The following PRICKLE1 variants were observed in gnomAD, a reference collection of about 807,000 sequenced individuals.
PRICKLE1 encodes the protein prickle-like protein 1.
Under a neutral mutation model 70.2 loss-of-function variants are expected in PRICKLE1, and 14 were observed. The ratio of observed to expected loss-of-function variants is 0.20; its 90% CI spans 0.13 to 0.31. The LOEUF is 0.31. Among genes scored for constraint, PRICKLE1 ranks in the 10% least tolerant of loss-of-function variants. PRICKLE1 has a pLI of 1.00. For synonymous variants in PRICKLE1, 357 were observed against 379.9 expected (o/e 0.94, Z 0.70); for missense variants, 821 against 1,026.2 (o/e 0.80, Z 2.73).
intron 1 of PRICKLE1, among the ~76,000 whole-genome samples, chr12:42,491,233 AT>A (rs1453806737): frequency 1.3e-5 from 2 of 151,878 alleles, no homozygotes; most frequent in African/African-American, 4.8e-5. Context: ...GTATTTAAAA[AT>A]ATTACACTAT....
At chr12:42,545,576 C>T (rs907693559) in intron 1 of PRICKLE1, among the ~76,000 whole-genome samples, 2 of 151,512 alleles carry the variant, frequency 1.3e-5, no homozygotes, top group Non-Finnish European at 2.9e-5. Context: ...GGACTGGGTG[C>T]GGTGGCTCAC....
chr12:42,556,100 T>G (rs1429638217), intron 1 of PRICKLE1, among the ~76,000 whole-genome samples: 1 of 152,184 alleles, frequency 6.6e-6, no homozygotes, highest in African/African-American at 2.4e-5. Context: ...TCCTATTGAT[T>G]ATGTGCAAGT....
rs1937718481 is a variant in PRICKLE1 at position 42,459,624 on chromosome 12, G to A, written c.*185C>T. On this transcript the variant is annotated 3_prime_UTR_variant, in exon 8 of 8. Coordinates refer to ENST00000345127, the MANE Select transcript of PRICKLE1 (RefSeq NM_153026.3). ...ACGTCCACCTGGCACCATCCAAAGAGGGTAAATTGGAGAAATCACACCTTT... is the reference window on the plus strand; with the variant it reads ...ACGTCCACCTGGCACCATCCAAAGAAGGTAAATTGGAGAAATCACACCTTT... 4 of 750,922 alleles carry A rather than the reference G, an allele frequency of 5.3e-6. No homozygotes were observed. Among genetic ancestry groups the A allele is most frequent in the Non-Finnish European group, 8.9e-6 (4 of 449,674 alleles). The allele number at this position is 750,922 out of a possible 1,614,324, so 46.5% of individuals were successfully genotyped here.
chr12:42,516,818 C>A (rs1438357895), intron 1 of PRICKLE1, among the ~76,000 whole-genome samples: 2 of 152,164 alleles, frequency 1.3e-5, no homozygotes, highest in African/African-American at 4.8e-5. Context: ...TGCACCCACA[C>A]CCCCTCTCCC....
intron 1 of PRICKLE1, among the ~76,000 whole-genome samples, chr12:42,477,441 T>A (rs1439158269): frequency 4.5e-5 from 5 of 110,924 alleles, no homozygotes; most frequent in Non-Finnish European, 7.5e-5. Flanking sequence ...TGTATATATG[T>A]GTATATATGT....
intron 1 of PRICKLE1, among the ~76,000 whole-genome samples, chr12:42,510,240 G>A (rs990307512): frequency 5.9e-5 from 9 of 151,986 alleles, no homozygotes; most frequent in East Asian, 3.9e-4. Context: ...GACTACAGGC[G>A]CCCGCCACCA....
At chr12:42,514,587 T>C (rs143012841) in intron 1 of PRICKLE1, among the ~76,000 whole-genome samples, 117 of 152,340 alleles carry the variant, frequency 7.7e-4, no homozygotes, top group African/African-American at 2.7e-3. Context: ...TTATCCATTA[T>C]ATGCTGTCAA....
At chr12:42,563,235 GCTAA>G (rs1030019153) in intron 1 of PRICKLE1, among the ~76,000 whole-genome samples, 8 of 151,826 alleles carry the variant, frequency 5.3e-5, no homozygotes, top group African/African-American at 1.9e-4. Flanking sequence ...TGGATAAAGA[GCTAA>G]CTGACTGCCA....
intron 1 of PRICKLE1, among the ~76,000 whole-genome samples, chr12:42,576,257 C>A (rs1160337277): frequency 6.6e-6 from 1 of 152,126 alleles, no homozygotes; most frequent in Non-Finnish European, 1.5e-5. Flanking sequence ...GCAAAACAGC[C>A]CCCATCACTT....
Position 42,564,227 on chromosome 12 carries a change from GCTTGGCAACAGAGGGAGACTCT to G in PRICKLE1, c.-49+25216_-49+25237del, listed in dbSNP as rs1164262500. Among the ~76,000 whole-genome samples, 43 of 143,268 alleles carry G rather than the reference GCTTGGCAACAGAGGGAGACTCT, an allele frequency of 3.0e-4. 1 individual carries two copies. The highest frequency in any genetic ancestry group is 6.0e-4 in the Non-Finnish European group (40 of 66,506). 94.0% of individuals were successfully genotyped at this position (143,268 alleles called of 152,430 possible). ...GCCAAGATCACGCCACTGCACTCCA[GCTTGGCAACAGAGGGAGACTCT>G]GTCTAAAAAAAAAAAAAAAAAAAGA... On this transcript the variant is annotated intron_variant, in intron 1 of 7. Transcript: ENST00000345127.
intron 1 of PRICKLE1, among the ~76,000 whole-genome samples, chr12:42,519,958 C>G (rs148315776): frequency 7.6e-4 from 116 of 152,248 alleles, no homozygotes; most frequent in African/African-American, 2.7e-3. Flanking sequence ...CAGATGCGAG[C>G]CATTGCACTT....
intron 1 of PRICKLE1, among the ~76,000 whole-genome samples, chr12:42,580,916 G>A (rs978371198): frequency 2.0e-5 from 3 of 152,068 alleles, no homozygotes; most frequent in Admixed American, 1.3e-4. Flanking sequence ...ACGGAAGGAC[G>A]GAAGGAAGAA....
At position 42,458,261 on chromosome 12, in the gene PRICKLE1, G is replaced by A. The variant is rs1937651484; in HGVS notation, c.*1548C>T. The A allele has an allele frequency of 6.6e-6, 1 of 152,108 alleles. No homozygotes were observed. Among genetic ancestry groups the A allele is most frequent in the South Asian group, 2.1e-4 (1 of 4,836 alleles). 9.4% of individuals were successfully genotyped at this position (152,108 alleles called of 1,614,324 possible). ...ACGAGACAAATGGAGGTCTGTTAAT[G>A]GTAGGGCAACTGCAAAATAAATCAT... On this transcript the variant is annotated 3_prime_UTR_variant, in exon 8 of 8. Transcript: ENST00000345127.
chr12:42,469,006 C>G (rs750880420), intron 4 of PRICKLE1, among the ~76,000 whole-genome samples, 177 bp from the exon 5 acceptor site: 32 of 152,168 alleles, frequency 2.1e-4, no homozygotes, highest in African/African-American at 7.7e-4. Context: ...CTGTAAGGCA[C>G]GTGTCTCAGA....
intron 1 of PRICKLE1, among the ~76,000 whole-genome samples, chr12:42,540,241 G>A (rs984535997): frequency 6.6e-6 from 1 of 152,214 alleles, no homozygotes; most frequent in African/African-American, 2.4e-5. Context: ...GTTTCCCTCA[G>A]GAGGAGATAA....
intron 1 of PRICKLE1, among the ~76,000 whole-genome samples, chr12:42,565,832 C>A (rs1940612182): frequency 6.6e-6 from 1 of 152,180 alleles, no homozygotes; most frequent in African/African-American, 2.4e-5. Context: ...GAAGGAAGAG[C>A]CACACTGCCC....
Position 42,560,381 on chromosome 12 carries a change from G to C in PRICKLE1, c.-49+29084C>G, listed in dbSNP as rs1325349245. Reference sequence around the variant, plus strand: ...ACTCCTGACCTCAGGTGATCCACCCGCCTCGGCTTCCCAAAGTGCTGGGAT... The same window carrying C: ...ACTCCTGACCTCAGGTGATCCACCCCCCTCGGCTTCCCAAAGTGCTGGGAT... On this transcript the variant is annotated intron_variant, in intron 1 of 7. Coordinates refer to ENST00000345127, the MANE Select transcript of PRICKLE1 (RefSeq NM_153026.3). Among the ~76,000 whole-genome samples, 3 of 151,842 alleles carry C rather than the reference G, an allele frequency of 2.0e-5. No homozygotes were observed. The East Asian group carries it at 5.8e-4, about 29-fold the overall frequency.
chr12:42,510,954 C>T (rs2120390437), intron 1 of PRICKLE1, among the ~76,000 whole-genome samples: 1 of 152,356 alleles, frequency 6.6e-6, no homozygotes, highest in African/African-American at 2.4e-5. Context: ...GCTGGCTCTT[C>T]AGAGCTTTGC....
At chr12:42,572,750 C>T (rs923027738) in intron 1 of PRICKLE1, among the ~76,000 whole-genome samples, 1 of 152,016 alleles carries the variant, frequency 6.6e-6, no homozygotes, top group Non-Finnish European at 1.5e-5. Flanking sequence ...CTACTTGAGC[C>T]CAGGAAGTCG....
Sources: allele counts gnomAD v4.1 joint callset (sites outside exome capture counted in the v4.1 genomes callset), GRCh38; gene constraint gnomAD v4.1.1; transcripts MANE v1.5; gene names NCBI Gene and HGNC (gene_info 2026-07-23, HGNC 2026-07-21).